Variants in TMEM237 observed in about 807,000 individuals in gnomAD.
The protein encoded by TMEM237 is transmembrane protein 237, also known as amyotrophic lateral sclerosis 2 (juvenile) chromosome region, candidate 4.
A neutral mutation model predicts 59.1 loss-of-function variants in TMEM237; 51 were observed. That is an observed-to-expected ratio of 0.86 (90% CI 0.69 to 1.09). TMEM237 has a LOEUF of 1.09. Among genes scored for constraint, TMEM237 ranks in the 50% least tolerant of loss-of-function variants. The pLI is 0.00. For synonymous variants in TMEM237, 140 were observed against 166.1 expected (o/e 0.84, Z 1.21); for missense variants, 475 against 478.3 (o/e 0.99, Z 0.06).
chr2:201,637,933 G>A (rs1437689680), intron 4 of TMEM237, among the ~76,000 whole-genome samples: 3 of 152,128 alleles, frequency 2.0e-5, no homozygotes, highest in Non-Finnish European at 2.9e-5. Flanking sequence ...AGACTCTACA[G>A]GTAGCAAGAT....
At chr2:201,624,766 C>T (rs1042021471) in intron 12 of TMEM237, among the ~76,000 whole-genome samples, 7 of 152,110 alleles carry the variant, frequency 4.6e-5, no homozygotes, top group South Asian at 2.1e-4. Flanking sequence ...ATCAAAACAA[C>T]GCAAGAAGCC....
chr2:201,620,280 A>T lies in TMEM237; in HGVS notation c.*3975T>A, dbSNP rs569706183. ...AAATGTACTCTCCTAGCTCAGGATC[A>T]TTATTTATTCCTCTTATTTTTGGAA... On this transcript the variant is annotated 3_prime_UTR_variant, in exon 13 of 13. Transcript: ENST00000409883. The T allele has an allele frequency of 9.2e-5, 14 of 152,346 alleles. No individual in the cohort carries two copies. Among genetic ancestry groups the T allele is most frequent in the African/African-American group, 3.4e-4 (14 of 41,580 alleles). The allele number at this position is 152,346 out of a possible 1,614,324, so 9.4% of individuals were successfully genotyped here. A position where few individuals can be genotyped will look rare whatever the true frequency, so the allele number is the denominator to read the frequency against.
intron 12 of TMEM237, among the ~76,000 whole-genome samples, chr2:201,625,731 A>T (rs1957752886): frequency 1.3e-5 from 2 of 152,206 alleles, no homozygotes; most frequent in Admixed American, 1.3e-4. Flanking sequence ...AGTGAAGAGC[A>T]AAGACTTTTT....
chr2:201,628,063 ACTG>A lies in TMEM237; in HGVS notation c.943+10_943+12del. 6.3e-7 allele frequency: 1 copy of A among 1,597,854 alleles called. No homozygotes were observed. ...AAGTATTACACAGTTATCATGTTAA[ACTG>A]CTTACTCACAGAAAGATGCTAAAGC... On this transcript the variant is annotated intron_variant, in intron 10 of 12. Transcript: ENST00000409883.
rs1211760126 is a variant in TMEM237, at chr2:201,620,358, C to T, written c.*3897G>A. On this transcript the variant is annotated 3_prime_UTR_variant, in exon 13 of 13. Transcript: ENST00000409883. ...CTCAAAGGTCAGCTTTTAGTTAACTCTTATATCCCCATACACATATCCTAA... is the reference window on the plus strand; with the variant it reads ...CTCAAAGGTCAGCTTTTAGTTAACTTTTATATCCCCATACACATATCCTAA... 6.6e-6 allele frequency: 1 copy of T among 152,124 alleles called. No individual in the cohort carries two copies. Among genetic ancestry groups the T allele is most frequent in the Admixed American group, 6.5e-5 (1 of 15,282 alleles). The allele number at this position is 152,124 out of a possible 1,614,324, so 9.4% of individuals were successfully genotyped here.
chr2:201,633,924 T>C (rs1687233434), intron 5 of TMEM237, among the ~76,000 whole-genome samples: 2 of 152,164 alleles, frequency 1.3e-5, no homozygotes, highest in African/African-American at 4.8e-5. Context: ...ATGTGACACA[T>C]GTTGTACAAA....
intron 6 of TMEM237, 72 bp downstream of exon 6, chr2:201,633,239 A>C: frequency 6.8e-7 from 1 of 1,466,040 alleles, no homozygotes; most frequent in African/African-American, 1.4e-5. Flanking sequence ...ATGAGAAGCT[A>C]CTGCTTCGGA....
intron 1 of TMEM237, chr2:201,642,645 C>G: frequency 6.2e-7 from 1 of 1,608,026 alleles, no homozygotes; most frequent in Non-Finnish European, 8.5e-7. Context: ...TAGCCGGCCT[C>G]GGCGGCCGCC....
chr2:201,641,145 C>T (rs1411411769), intron 1 of TMEM237, among the ~76,000 whole-genome samples: 1 of 152,154 alleles, frequency 6.6e-6, no homozygotes, highest in African/African-American at 2.4e-5. Flanking sequence ...GCACCCACCA[C>T]CATGCCCGGC....
At chr2:201,625,924 T>C in intron 12 of TMEM237, 102 bp downstream of exon 12, 2 of 1,169,596 alleles carry the variant, frequency 1.7e-6, no homozygotes, top group Non-Finnish European at 2.3e-6. Context: ...TAAATGTGTC[T>C]TTGTTATTGG....
chr2:201,627,256 T>G (rs1957767681), intron 11 of TMEM237, 65 bp downstream of exon 11: 4 of 1,154,970 alleles, frequency 3.5e-6, no homozygotes, highest in Non-Finnish European at 5.0e-6. Flanking sequence ...TGAAAAAGAA[T>G]GGAAGGATAA....
At chr2:201,624,720 T>C (rs774503176) in intron 12 of TMEM237, among the ~76,000 whole-genome samples, 53 of 152,318 alleles carry the variant, frequency 3.5e-4, no homozygotes, top group Admixed American at 6.5e-4. Context: ...AAGAGATGTG[T>C]GCCAGGATAT....
rs1957702498 is a variant in TMEM237, at chr2:201,621,104, A to G, written c.*3151T>C. 6.6e-6 allele frequency: 1 copy of G among 152,256 alleles called. No individual in the cohort carries two copies. The highest frequency in any genetic ancestry group is 1.5e-5 in the Non-Finnish European group (1 of 68,034). 9.4% of individuals were successfully genotyped at this position (152,256 alleles called of 1,614,324 possible). ...TCATGTTATGCAACATAAAGTACAC[A>G]GCATCACAGATGAAGTCATATTTTT... On this transcript the variant is annotated 3_prime_UTR_variant, in exon 13 of 13. Transcript: ENST00000409883.
intron 1 of TMEM237, among the ~76,000 whole-genome samples, chr2:201,642,180 T>C (rs1310403088): frequency 2.6e-5 from 4 of 152,218 alleles, no homozygotes; most frequent in Non-Finnish European, 4.4e-5. Context: ...TTTAGAATCA[T>C]ATAGTAACAG....
chr2:201,624,956 T>C (rs767402620), intron 12 of TMEM237, among the ~76,000 whole-genome samples: 1 of 152,196 alleles, frequency 6.6e-6, no homozygotes, highest in Non-Finnish European at 1.5e-5. Flanking sequence ...TTTAAACTAT[T>C]ACTTAGCATA....
chr2:201,633,722 C>T (rs1273722902), intron 5 of TMEM237, among the ~76,000 whole-genome samples: 2 of 152,192 alleles, frequency 1.3e-5, no homozygotes, highest in Admixed American at 1.3e-4. Context: ...GAAGGGCTCA[C>T]AGGACTTGGA....
rs149316223 is a variant in TMEM237, at chr2:201,637,809, C to T, written c.137-924G>A. ...ATGAAAATGTTTAACCTCAGTAGTA[C>T]ATAGAGAAATGTAAACTAAAATAAG... On this transcript the variant is annotated intron_variant, in intron 4 of 12. Transcript: ENST00000409883. Among the ~76,000 whole-genome samples, 604 of 150,466 alleles carry T rather than the reference C, an allele frequency of 4.0e-3. 4 individuals are homozygous for T. The highest frequency in any genetic ancestry group is 0.014 in the African/African-American group (572 of 40,982).
intron 3 of TMEM237, among the ~76,000 whole-genome samples, chr2:201,639,666 C>T (rs1469361524): frequency 3.9e-5 from 6 of 152,144 alleles, no homozygotes; most frequent in African/African-American, 1.4e-4. Context: ...CATGGTGGCA[C>T]ACGCCTGTAA....
intron 1 of TMEM237, among the ~76,000 whole-genome samples, chr2:201,641,831 C>G (rs1054949338): frequency 1.3e-5 from 2 of 151,856 alleles, no homozygotes; most frequent in African/African-American, 4.8e-5. Context: ...AAAGCAGCAA[C>G]CGGAACAAAT....
Sources: gnomAD v4.1 joint callset for allele counts (sites outside exome capture counted in the v4.1 genomes callset) on GRCh38, gnomAD v4.1.1 for gene constraint, MANE v1.5 for transcripts, NCBI Gene and HGNC (gene_info 2026-07-23, HGNC 2026-07-21) for gene names.